The following CTNNA2 variants were observed in gnomAD, a reference collection of about 807,000 sequenced individuals.
The protein encoded by CTNNA2 is catenin alpha-2.
Under a neutral mutation model 101.0 loss-of-function variants are expected in CTNNA2, and 42 were observed. The ratio of observed to expected loss-of-function variants is 0.42; its 90% CI spans 0.32 to 0.54. The LOEUF is 0.54. CTNNA2 is among the 20% of genes least tolerant of loss of function. The pLI is 0.14. For missense variants in CTNNA2, 871 were observed against 1,223.1 expected, an observed-to-expected ratio of 0.71 and a Z score of 4.29; for synonymous variants, 450 against 456.4, an observed-to-expected ratio of 0.99 and a Z score of 0.18.
At chr2:79,360,635 A>G (rs1677606908) in intron 3 of CTNNA2, among the ~76,000 whole-genome samples, 1 of 152,250 alleles carries the variant, frequency 6.6e-6, no homozygotes, top group South Asian at 2.1e-4. Flanking sequence ...AGCCTTCTTC[A>G]GGCATAGAGC....
intron 7 of CTNNA2, among the ~76,000 whole-genome samples, chr2:80,334,736 C>G (rs1022730832): frequency 6.6e-6 from 1 of 152,238 alleles, no homozygotes; most frequent in African/African-American, 2.4e-5. Flanking sequence ...AGCACCTTCA[C>G]TCCTTCTAAT....
intron 7 of CTNNA2, among the ~76,000 whole-genome samples, chr2:80,152,713 G>A (rs1222862295): frequency 6.9e-6 from 1 of 145,652 alleles, no homozygotes; most frequent in Non-Finnish European, 1.5e-5. Flanking sequence ...AAAAAAAAAA[G>A]ATTCAGAAAA....
intron 7 of CTNNA2, among the ~76,000 whole-genome samples, chr2:80,005,054 T>C (rs1693233272): frequency 6.6e-6 from 1 of 152,136 alleles, no homozygotes; most frequent in Non-Finnish European, 1.5e-5. Flanking sequence ...TATTAAAAGG[T>C]CTTGCCCAGG....
chr2:80,130,479 C>T (rs1446779876), intron 7 of CTNNA2, among the ~76,000 whole-genome samples: 1 of 152,118 alleles, frequency 6.6e-6, no homozygotes, highest in African/African-American at 2.4e-5. Flanking sequence ...CACTCTCCTA[C>T]ATGAATATCA....
intron 7 of CTNNA2, among the ~76,000 whole-genome samples, chr2:80,001,795 A>G (rs1052684355): frequency 6.6e-6 from 1 of 152,200 alleles, no homozygotes; most frequent in East Asian, 1.9e-4. Flanking sequence ...TGCTGTCGTC[A>G]TCTGTCCTAC....
chr2:80,522,161 A>C (rs912046247), intron 9 of CTNNA2, among the ~76,000 whole-genome samples: 2 of 152,196 alleles, frequency 1.3e-5, no homozygotes, highest in Admixed American at 1.3e-4. Context: ...TCCAAAGTCC[A>C]TATTCGGAAA....
chr2:80,635,090 GATAGATA>G lies in CTNNA2; in HGVS notation c.2575-12489_2575-12483del, dbSNP rs546317288. Among the ~76,000 whole-genome samples, 56 of 152,232 alleles carry G rather than the reference GATAGATA, an allele frequency of 3.7e-4. 1 individual carries two copies. In the South Asian group the frequency reaches 0.011, roughly 29 times the overall value. On this transcript the variant is annotated intron_variant, in intron 18 of 18. Coordinates refer to ENST00000402739, the MANE Select transcript of CTNNA2 (RefSeq NM_001282597.3). ...AACCTGAAGTATAATTTAGATGGAA[GATAGATA>G]ATAGAATGGTTACAACTCATTGTTA...
At chr2:79,391,034 G>A (rs1678166443) in intron 4 of CTNNA2, among the ~76,000 whole-genome samples, 1 of 152,174 alleles carries the variant, frequency 6.6e-6, no homozygotes, top group Non-Finnish European at 1.5e-5. Context: ...GTCAAGGAGT[G>A]AGGAGGTTCT....
At chr2:80,140,097 TGTAACCTG>T in intron 7 of CTNNA2, among the ~76,000 whole-genome samples, 1 of 152,296 alleles carries the variant, frequency 6.6e-6, no homozygotes, top group Admixed American at 6.5e-5. Context: ...TAGGCAGGTC[TGTAACCTG>T]GGAACAAGGA....
intron 4 of CTNNA2, among the ~76,000 whole-genome samples, chr2:79,378,846 T>C (rs1279655602): frequency 6.6e-6 from 1 of 152,112 alleles, no homozygotes; most frequent in Non-Finnish European, 1.5e-5. Context: ...TTAGTTACAA[T>C]GCTTCTTGTC....
intron 2 of CTNNA2, among the ~76,000 whole-genome samples, chr2:79,738,290 C>T (rs528196683): frequency 1.3e-5 from 2 of 152,238 alleles, no homozygotes; most frequent in Admixed American, 6.5e-5. Context: ...CTGTGACCTG[C>T]GGAATTTCTT....
chr2:80,637,442 A>G (rs1362247352), intron 18 of CTNNA2, among the ~76,000 whole-genome samples: 1 of 151,888 alleles, frequency 6.6e-6, no homozygotes. Context: ...AGTAGGAGAG[A>G]TGAAAACATG....
chr2:80,437,093 G>C (rs1346230581), intron 9 of CTNNA2, among the ~76,000 whole-genome samples: 1 of 152,128 alleles, frequency 6.6e-6, no homozygotes, highest in Non-Finnish European at 1.5e-5. Context: ...CACTTAGAAG[G>C]CACCATCTAT....
intron 7 of CTNNA2, among the ~76,000 whole-genome samples, chr2:79,983,620 G>A (rs1691549740): frequency 6.6e-6 from 1 of 152,138 alleles, no homozygotes. Flanking sequence ...AGAGGCCAGT[G>A]CGTCTTGTGT....
chr2:79,344,655 T>C (rs913325914), intron 3 of CTNNA2, among the ~76,000 whole-genome samples: 6 of 151,976 alleles, frequency 3.9e-5, no homozygotes, highest in South Asian at 2.1e-4. Context: ...ATTCAGTCCT[T>C]CTAGATTAAT....
intron 7 of CTNNA2, among the ~76,000 whole-genome samples, chr2:79,928,734 T>C (rs932263727): frequency 6.6e-6 from 1 of 152,216 alleles, no homozygotes; most frequent in African/African-American, 2.4e-5. Context: ...TTCATACTTA[T>C]CAGATAGGGT....
intron 1 of CTNNA2, among the ~76,000 whole-genome samples, chr2:79,584,239 T>C (rs1349328826): frequency 6.6e-6 from 1 of 152,208 alleles, no homozygotes; most frequent in Non-Finnish European, 1.5e-5. Context: ...TTGCCTCATC[T>C]ACTCAGACTA....
intron 2 of CTNNA2, among the ~76,000 whole-genome samples, chr2:79,664,991 G>A (rs1463566144): frequency 4.6e-5 from 7 of 152,052 alleles, no homozygotes; most frequent in East Asian, 1.9e-4. Flanking sequence ...GATTACAGGC[G>A]TGAGCCACCG....
chr2:79,960,385 A>G (rs555201776), intron 7 of CTNNA2, among the ~76,000 whole-genome samples: 4 of 152,360 alleles, frequency 2.6e-5, no homozygotes, highest in East Asian at 3.9e-4. Flanking sequence ...TCTAATTTTC[A>G]TAAGTTGCTA....
Sources: allele counts gnomAD v4.1 joint callset (sites outside exome capture counted in the v4.1 genomes callset), GRCh38; gene constraint gnomAD v4.1.1; transcripts MANE v1.5; gene names NCBI Gene and HGNC (gene_info 2026-07-23, HGNC 2026-07-21).